The following POU6F1 variants were observed in gnomAD, a reference collection of about 807,000 sequenced individuals.
The protein encoded by POU6F1 is POU class 6 homeobox 1.
A neutral mutation model predicts 28.9 loss-of-function variants in POU6F1; 9 were observed. The observed-to-expected ratio is 0.31, with a 90% confidence interval of 0.19 to 0.54. POU6F1 has a LOEUF of 0.54. POU6F1 is among the 20% of genes least tolerant of loss of function. The pLI, the probability that POU6F1 is intolerant of heterozygous loss-of-function variation, is 0.94. For missense variants in POU6F1, 338 were observed against 426.1 expected, an observed-to-expected ratio of 0.79 and a Z score of 1.82; for synonymous variants, 173 against 171.1, an observed-to-expected ratio of 1.01 and a Z score of -0.09.
intron 8 of POU6F1, among the ~76,000 whole-genome samples, chr12:51,192,862 G>A (rs1012728178): frequency 6.6e-6 from 1 of 150,644 alleles, no homozygotes; most frequent in African/African-American, 2.5e-5. Context: ...CCAAGATCGC[G>A]CCACTGCACT....
intron 1 of POU6F1, among the ~76,000 whole-genome samples, chr12:51,216,544 T>C (rs1944294208): frequency 6.6e-6 from 1 of 152,162 alleles, no homozygotes; most frequent in Non-Finnish European, 1.5e-5. Context: ...AGAAATGAAG[T>C]TCTACAGCAG....
At chr12:51,209,320 AC>A (rs1243044358) in intron 1 of POU6F1, among the ~76,000 whole-genome samples, 1 of 152,204 alleles carries the variant, frequency 6.6e-6, no homozygotes, top group Non-Finnish European at 1.5e-5. Flanking sequence ...AGCCCTGGCA[AC>A]TACTGATGTG....
Position 51,212,771 on chromosome 12 carries a change from C to T in POU6F1, c.-48+4871G>A, listed in dbSNP as rs1192783103. ...AGCCTGGGCAACAAGAGTGAAACTC[C>T]GTCTCAAAAAAAAAAAAAAAAAAAA... On this transcript the variant is annotated intron_variant, in intron 1 of 10. Coordinates refer to ENST00000333640, the MANE Select transcript of POU6F1 (RefSeq NM_001330422.2). 9.9e-5 allele frequency among the ~76,000 whole-genome samples: 8 copies of T among 80,828 alleles called. No homozygotes were observed. The Admixed American group carries it at 1.3e-3, about 14-fold the overall frequency. The allele number at this position is 80,828 out of a possible 152,430, so 53.0% of individuals were successfully genotyped here. A position where few individuals can be genotyped will look rare whatever the true frequency, so the allele number is the denominator to read the frequency against.
At chr12:51,205,070 G>A (rs57284238) in intron 2 of POU6F1, among the ~76,000 whole-genome samples, 7,165 of 127,224 alleles carry the variant, frequency 0.056, 603 homozygotes, top group African/African-American at 0.19. Context: ...ACAGAGTCTC[G>A]CTCTGTCACC....
rs1942156965 is a variant in POU6F1, at chr12:51,188,248, C to T, written c.*1999G>A. ...TGGCCTAATTTACTGAAGTGTCAGT[C>T]ACTGAATCCTTTACAAGCTCTGGAA... is the stretch of plus-strand genomic sequence containing the variant. On this transcript the variant is annotated 3_prime_UTR_variant, in exon 11 of 11. Coordinates refer to ENST00000333640, the MANE Select transcript of POU6F1 (RefSeq NM_001330422.2). 6.6e-6 allele frequency: 1 copy of T among 152,218 alleles called. No homozygotes were observed. The highest frequency in any genetic ancestry group is 2.1e-4 in the South Asian group (1 of 4,836). 9.4% of individuals were successfully genotyped at this position (152,218 alleles called of 1,614,324 possible).
intron 8 of POU6F1, among the ~76,000 whole-genome samples, chr12:51,195,237 C>T (rs12427003): frequency 0.049 from 7,394 of 152,250 alleles, 343 homozygotes; most frequent in East Asian, 0.18. Flanking sequence ...TGGCCTCAAG[C>T]GATCCTCCGC....
In POU6F1 at chr12:51,199,852, C is replaced by T; in HGVS notation, c.261G>A (p.Gly87=). 1 of 399,270 alleles carries T rather than the reference C, an allele frequency of 2.5e-6. No homozygotes were observed. Among genetic ancestry groups the T allele is most frequent in the Non-Finnish European group, 4.4e-6 (1 of 226,218 alleles). The allele number at this position is 399,270 out of a possible 1,614,324, so 24.7% of individuals were successfully genotyped here. A position where few individuals can be genotyped will look rare whatever the true frequency, so the allele number is the denominator to read the frequency against. The change falls in exon 4 of 11, where the codon GGG becomes GGA. Residue 87 remains glycine, a synonymous_variant. Coordinates refer to ENST00000333640, the MANE Select transcript of POU6F1 (RefSeq NM_001330422.2). This position sits in a 1 kb window ranked among gnomAD's most constrained non-coding sequence, Gnocchi z 4.1. ...TGGCAGTGGCAGGGCTCGGAGGGAT[C>T]CCCGGGGGTGACTTCACTTCACAAG... ...SAEATVKSPP[G]IPPSPATAIA... is the part of the protein sequence containing the mutation.
At position 51,205,164 on chromosome 12, in the gene POU6F1, C is replaced by G. The variant is rs572834003; in HGVS notation, c.49-796G>C. ...ACGCCATTCTCCTGCCTCAGCCTCC[C>G]GAGTAGCTGGGACTACAGGTGCCCA... On this transcript the variant is annotated intron_variant, in intron 2 of 10. Transcript: ENST00000333640. 5.9e-5 allele frequency among the ~76,000 whole-genome samples: 9 copies of G among 151,726 alleles called. 1 individual carries two copies. The highest frequency in any genetic ancestry group is 6.3e-3 in the Middle Eastern group (2 of 316).
chr12:51,199,843 C>T lies in POU6F1; in HGVS notation c.270G>A (p.Pro90=), dbSNP rs549478692. 9 of 399,184 alleles carry T rather than the reference C, an allele frequency of 2.3e-5. No homozygotes were observed. Among genetic ancestry groups the T allele is most frequent in the African/African-American group, 4.1e-5 (2 of 48,704 alleles). The allele number at this position is 399,184 out of a possible 1,614,324, so 24.7% of individuals were successfully genotyped here. A position where few individuals can be genotyped will look rare whatever the true frequency, so the allele number is the denominator to read the frequency against. The change falls in exon 4 of 11, where the codon CCG becomes CCA. Residue 90 remains proline, a synonymous_variant. Coordinates refer to ENST00000333640, the MANE Select transcript of POU6F1 (RefSeq NM_001330422.2). The surrounding 1 kb of genome is among the most constrained non-coding windows in gnomAD (Gnocchi z 4.1). ...AGGTGGCAATGGCAGTGGCAGGGCT[C>T]GGAGGGATCCCCGGGGGTGACTTCA... is the stretch of plus-strand genomic sequence containing the variant. ...ATVKSPPGIP[P]SPATAIATFS...
At chr12:51,209,934 C>T (rs1943874330) in intron 1 of POU6F1, among the ~76,000 whole-genome samples, 1 of 152,098 alleles carries the variant, frequency 6.6e-6, no homozygotes, top group Non-Finnish European at 1.5e-5. Flanking sequence ...GCTCTAGCCT[C>T]CTTCTTAGGT....
chr12:51,205,332 G>A (rs1382570700), intron 2 of POU6F1, among the ~76,000 whole-genome samples: 5 of 152,060 alleles, frequency 3.3e-5, no homozygotes, highest in Admixed American at 6.6e-5. Context: ...GAGCCACCAC[G>A]CCCGGCCTGA....
intron 1 of POU6F1, among the ~76,000 whole-genome samples, chr12:51,210,812 C>T (rs1195000186): frequency 6.6e-6 from 1 of 152,204 alleles, no homozygotes; most frequent in Non-Finnish European, 1.5e-5. Flanking sequence ...GAGCAGAGTC[C>T]AAGACCTCCT....
chr12:51,212,073 T>C (rs201170873), intron 1 of POU6F1, among the ~76,000 whole-genome samples: 1 of 108,940 alleles, frequency 9.2e-6, no homozygotes, highest in East Asian at 8.4e-4. Context: ...TTTTTTTTTT[T>C]GTTTTTTTTG....
chr12:51,198,512 G>A, intron 5 of POU6F1, 38 bp downstream of exon 5: 1 of 399,280 alleles, frequency 2.5e-6, no homozygotes, highest in Non-Finnish European at 4.4e-6. Flanking sequence ...AGTAGAGGGT[G>A]GGGGGCCTGG....
At position 51,196,903 on chromosome 12, in the gene POU6F1, GT is replaced by G; in HGVS notation, c.870del (p.Gln291ArgfsTer43). ...GTGAGGGACCCCAGGATCTGGGTCT[GT>G]CCCCCGAGGGAAGCAGCACTGATCT... is the stretch of plus-strand genomic sequence containing the variant. ...PGIISAASLG[G>X]QTQILGSLTT... On this transcript the variant is annotated frameshift_variant, in exon 7 of 11. Transcript: ENST00000333640. LOFTEE classifies it high-confidence loss of function. The G allele has an allele frequency of 6.2e-7, 1 of 1,603,002 alleles. No individual in the cohort carries two copies.
intron 8 of POU6F1, among the ~76,000 whole-genome samples, chr12:51,193,195 A>C (rs1942558566): frequency 6.6e-6 from 1 of 152,240 alleles, no homozygotes; most frequent in South Asian, 2.1e-4. Flanking sequence ...GGAAACTGGC[A>C]GATGGCTTTT....
In POU6F1 at chr12:51,190,992, G is replaced by A. The variant is rs1666031385; in HGVS notation, c.1491-400C>T. Among the ~76,000 whole-genome samples the A allele has an allele frequency of 1.3e-5, 2 of 152,204 alleles. No individual in the cohort carries two copies. Among genetic ancestry groups the A allele is most frequent in the South Asian group, 4.1e-4 (2 of 4,830 alleles). On this transcript the variant is annotated intron_variant, in intron 10 of 10. Coordinates refer to ENST00000333640, the MANE Select transcript of POU6F1 (RefSeq NM_001330422.2). This position sits in a 1 kb window ranked among gnomAD's most constrained non-coding sequence, Gnocchi z 4.5. ...AAGTCAGGCTGCTCTTTCTGGCTGA[G>A]CTGGATGTGGTGACAGGATTCTCCA...
intron 1 of POU6F1, among the ~76,000 whole-genome samples, chr12:51,211,231 T>TC (rs1182566837): frequency 6.6e-6 from 1 of 152,140 alleles, no homozygotes; most frequent in Non-Finnish European, 1.5e-5. Flanking sequence ...GGAGCTCCTG[T>TC]CCCCATCCCA....
At chr12:51,194,095 C>T (rs143777612) in intron 8 of POU6F1, among the ~76,000 whole-genome samples, 1 of 152,038 alleles carries the variant, frequency 6.6e-6, no homozygotes, top group Non-Finnish European at 1.5e-5. Flanking sequence ...AGCATGATCT[C>T]GGCTCATCAC....
Sources: allele counts gnomAD v4.1 joint callset (sites outside exome capture counted in the v4.1 genomes callset), GRCh38; gene constraint gnomAD v4.1.1; non-coding constraint Gnocchi (gnomAD v3.1); transcripts MANE v1.5; gene names NCBI Gene and HGNC (gene_info 2026-07-23, HGNC 2026-07-21).